Variants in C3orf52 observed in about 807,000 individuals in gnomAD.
C3orf52 encodes the protein chromosome 3 open reading frame 52, also known as TPA-induced transmembrane protein.
A neutral mutation model predicts 24.8 loss-of-function variants in C3orf52; 22 were observed. That is an observed-to-expected ratio of 0.89 (90% confidence interval 0.63 to 1.27). The LOEUF (loss-of-function observed/expected upper bound fraction) is 1.27, where lower values mean the gene tolerates loss of function less well. Among genes scored for constraint, C3orf52 ranks in the 50% most tolerant of loss-of-function variants. C3orf52 has a pLI of 0.00. For synonymous variants in C3orf52, 93 were observed against 100.2 expected (o/e 0.93, Z 0.43); for missense variants, 265 against 260.7 (o/e 1.02, Z -0.11).
At chr3:112,090,229 A>C (rs2073864865) in intron 1 of C3orf52, among the ~76,000 whole-genome samples, 1 of 151,452 alleles carries the variant, frequency 6.6e-6, no homozygotes, top group Admixed American at 6.6e-5. Flanking sequence ...ATGGGCAGAC[A>C]GCTGAGAAGC....
chr3:112,117,677 CTCT>C lies in C3orf52; in HGVS notation c.*1036_*1038del, dbSNP rs1177258521. 1 of 152,196 alleles carries C rather than the reference CTCT, an allele frequency of 6.6e-6. No homozygotes were observed. Among genetic ancestry groups the C allele is most frequent in the Non-Finnish European group, 1.5e-5 (1 of 68,050 alleles). 9.4% of individuals were successfully genotyped at this position (152,196 alleles called of 1,614,324 possible). On this transcript the variant is annotated 3_prime_UTR_variant, in exon 6 of 6. Coordinates refer to ENST00000264848, the MANE Select transcript of C3orf52 (RefSeq NM_024616.3). ...GATGGTTGTGATACAAGAAGAACCA[CTCT>C]TCTTTGAAAATAAACTCTTGGAAGC...
intron 4 of C3orf52, chr3:112,123,652 C>A: frequency 6.2e-7 from 1 of 1,614,140 alleles, no homozygotes; most frequent in South Asian, 1.1e-5. Context: ...GGTCTCTCAG[C>A]TTTGCAGGGA....
chr3:112,121,078 T>C (rs1292343267), downstream of C3orf52: 1 of 152,212 alleles, frequency 6.6e-6, no homozygotes, highest in Admixed American at 6.5e-5. Context: ...ATCCCTGTTA[T>C]AATTACATTA....
At chr3:112,126,948 C>G (rs2074335107) in intron 4 of C3orf52, 1 of 1,391,312 alleles carries the variant, frequency 7.2e-7, no homozygotes, top group Non-Finnish European at 1.0e-6. Flanking sequence ...AAATGTAAGT[C>G]TTATCAAAAG....
At position 112,103,031 on chromosome 3, in the gene C3orf52, T is replaced by A. The variant is rs369573804; in HGVS notation, c.396+66T>A. ...TAGAATATGAATTTTGCTAGAATAA[T>A]TGGCATAGAGCTATAGAGTAAGTAG... On this transcript the variant is annotated intron_variant, in intron 3 of 5. Transcript: ENST00000264848. 1.3e-5 allele frequency: 19 copies of A among 1,497,586 alleles called. No homozygotes were observed. The African/African-American group carries it at 2.2e-4, about 17-fold the overall frequency. 92.8% of individuals were successfully genotyped at this position (1,497,586 alleles called of 1,614,324 possible).
At chr3:112,107,674 A>T (rs2074039157) in intron 3 of C3orf52, among the ~76,000 whole-genome samples, 1 of 152,206 alleles carries the variant, frequency 6.6e-6, no homozygotes, top group Non-Finnish European at 1.5e-5. Flanking sequence ...GTGACCTGGG[A>T]CAGGTTTTCT....
chr3:112,105,634 A>G lies in C3orf52; in HGVS notation c.396+2669A>G, dbSNP rs150140121. Among the ~76,000 whole-genome samples, 910 of 151,772 alleles carry G rather than the reference A, an allele frequency of 6.0e-3. 14 individuals carry two copies. Among genetic ancestry groups the G allele is most frequent in the African/African-American group, 0.021 (869 of 41,308 alleles). ...TCTTGCAATCCAGTTCAATTCTGAC[A>G]TGATCTGCCTGGAGTTAGTGCAGAC... On this transcript the variant is annotated intron_variant, in intron 3 of 5. Transcript: ENST00000264848.
intron 4 of C3orf52, among the ~76,000 whole-genome samples, chr3:112,124,056 A>G (rs1055408454): frequency 6.6e-6 from 1 of 152,190 alleles, no homozygotes; most frequent in African/African-American, 2.4e-5. Context: ...TGCAAATCTA[A>G]TGTTGAAATT....
At chr3:112,122,677 G>A (rs2074222681), downstream of C3orf52, 1 of 152,190 alleles carries the variant, frequency 6.6e-6, no homozygotes, top group East Asian at 1.9e-4. Flanking sequence ...AGGAAATCAG[G>A]CTCCAAATTA....
At chr3:112,130,304 C>T (rs1013565402), downstream of C3orf52, 11 of 724,176 alleles carry the variant, frequency 1.5e-5, no homozygotes, top group Non-Finnish European at 2.5e-5. Context: ...TATCTTTTGT[C>T]CTGTCTTCAC....
Position 112,117,578 on chromosome 3 carries a change from T to C in C3orf52, c.*932T>C, listed in dbSNP as rs770149331. On this transcript the variant is annotated 3_prime_UTR_variant, in exon 6 of 6. Transcript: ENST00000264848. ...TCTGCTCTGGATATTACGCATTGGC[T>C]TTTTGTTGCCTAGTGCTACAAACCT... The C allele has an allele frequency of 2.0e-5, 3 of 152,258 alleles. No individual in the cohort carries two copies. Among genetic ancestry groups the C allele is most frequent in the Non-Finnish European group, 2.9e-5 (2 of 68,046 alleles). 9.4% of individuals were successfully genotyped at this position (152,258 alleles called of 1,614,324 possible). A position where few individuals can be genotyped will look rare whatever the true frequency, so the allele number is the denominator to read the frequency against.
intron 2 of C3orf52, among the ~76,000 whole-genome samples, chr3:112,101,380 C>G (rs2107780879): frequency 6.6e-6 from 1 of 152,320 alleles, no homozygotes; most frequent in East Asian, 1.9e-4. Flanking sequence ...ATCTCATCTA[C>G]TAGGGAAGCT....
chr3:112,108,478 C>T (rs2074048581), intron 3 of C3orf52, among the ~76,000 whole-genome samples: 1 of 152,152 alleles, frequency 6.6e-6, no homozygotes, highest in African/African-American at 2.4e-5. Context: ...TTGGCATATG[C>T]CCATTGGAAA....
At chr3:112,121,095 C>G (rs1341574949), downstream of C3orf52, 1 of 152,076 alleles carries the variant, frequency 6.6e-6, no homozygotes, top group Non-Finnish European at 1.5e-5. Context: ...ATTATAAGAA[C>G]AACTTTCTTT....
intron 2 of C3orf52, among the ~76,000 whole-genome samples, chr3:112,098,712 G>A (rs1479570682): frequency 2.0e-5 from 3 of 152,186 alleles, no homozygotes; most frequent in Admixed American, 6.5e-5. Flanking sequence ...CAAGATCAAA[G>A]TGTCAGCACA....
downstream of C3orf52, chr3:112,133,610 C>T (rs1044462362): frequency 6.3e-6 from 1 of 159,566 alleles, no homozygotes; most frequent in Non-Finnish European, 1.4e-5. Flanking sequence ...TTTGAACAGA[C>T]ATTTCACCAA....
chr3:112,123,261 G>A, intron 4 of C3orf52: 1 of 1,011,268 alleles, frequency 9.9e-7, no homozygotes, highest in Non-Finnish European at 1.4e-6. Flanking sequence ...TGTTGTTCAG[G>A]ATAAATGGTT....
chr3:112,119,207 A>T (rs150464814), downstream of C3orf52, among the ~76,000 whole-genome samples: 6 of 152,126 alleles, frequency 3.9e-5, no homozygotes, highest in East Asian at 1.2e-3. Flanking sequence ...ACATGGTGAA[A>T]CCCCATCTCT....
intron 4 of C3orf52, among the ~76,000 whole-genome samples, chr3:112,127,787 C>T (rs1486521990): frequency 6.6e-6 from 1 of 152,170 alleles, no homozygotes; most frequent in Non-Finnish European, 1.5e-5. Context: ...CTAGTTTCAT[C>T]TTTGCTTCTG....
Sources: gnomAD v4.1 joint callset for allele counts (sites outside exome capture counted in the v4.1 genomes callset) on GRCh38, gnomAD v4.1.1 for gene constraint, MANE v1.5 for transcripts, NCBI Gene and HGNC (gene_info 2026-07-23, HGNC 2026-07-21) for gene names.